MAGI2: variants seen among roughly 807,000 people sequenced by gnomAD.
MAGI2 encodes the protein membrane-associated guanylate kinase, WW and PDZ domain-containing protein 2.
Under a neutral mutation model 133.3 loss-of-function variants are expected in MAGI2, and 35 were observed. The ratio of observed to expected loss-of-function variants is 0.26; its 90% CI spans 0.20 to 0.35. The LOEUF is 0.35. Ranked by LOEUF, MAGI2 falls within the 10% of genes least tolerant of loss-of-function variation. The probability of loss-of-function intolerance (pLI) is 1.00; values close to 1 mark genes in which losing one functional copy is unlikely to be tolerated. For missense variants in MAGI2, 1,636 were observed against 1,863.4 expected (o/e 0.88, Z 2.25); for synonymous variants, 729 against 710.6 (o/e 1.03, Z -0.41).
chr7:78,508,945 G>A (rs970679990), intron 4 of MAGI2, among the ~76,000 whole-genome samples: 4 of 150,348 alleles, frequency 2.7e-5, no homozygotes, highest in Middle Eastern at 6.8e-3. Context: ...GTGCAGTGGC[G>A]ATCTTGGCTC....
intron 6 of MAGI2, among the ~76,000 whole-genome samples, chr7:78,477,610 T>C (rs577117075): frequency 2.0e-5 from 3 of 151,810 alleles, no homozygotes; most frequent in Non-Finnish European, 2.9e-5. Flanking sequence ...GAACTCCCAT[T>C]TATAAAACCA....
chr7:78,447,700 G>A (rs906486325), intron 6 of MAGI2, among the ~76,000 whole-genome samples: 1 of 152,144 alleles, frequency 6.6e-6, no homozygotes, highest in African/African-American at 2.4e-5. Flanking sequence ...GGAAGAATTA[G>A]CCAAGGACAT....
intron 1 of MAGI2, among the ~76,000 whole-genome samples, chr7:79,162,195 T>G (rs76067352): frequency 0.015 from 2,228 of 152,168 alleles, 57 homozygotes; most frequent in African/African-American, 0.05. Flanking sequence ...AGCACCAGAT[T>G]ATAATTTTTC....
chr7:78,999,551 A>G (rs764452459), intron 2 of MAGI2, among the ~76,000 whole-genome samples: 1 of 152,228 alleles, frequency 6.6e-6, no homozygotes, highest in African/African-American at 2.4e-5. Flanking sequence ...TTTCACATAT[A>G]TGACATGAAA....
intron 3 of MAGI2, among the ~76,000 whole-genome samples, chr7:78,540,355 A>G (rs1005409852): frequency 1.3e-5 from 2 of 152,128 alleles, no homozygotes; most frequent in Non-Finnish European, 2.9e-5. Context: ...TAGCCAGGAA[A>G]GTGGGAGAAA....
chr7:78,844,373 A>G (rs1298054298), intron 2 of MAGI2, among the ~76,000 whole-genome samples: 2 of 151,844 alleles, frequency 1.3e-5, no homozygotes, highest in Non-Finnish European at 2.9e-5. Flanking sequence ...TAGCATCATT[A>G]CTCATAATAG....
intron 1 of MAGI2, among the ~76,000 whole-genome samples, chr7:79,111,157 A>G (rs1818894166): frequency 6.6e-6 from 1 of 152,248 alleles, no homozygotes; most frequent in Non-Finnish European, 1.5e-5. Context: ...GAATTGAACC[A>G]AAAAATAATT....
chr7:78,243,790 CTT>C (rs1230431871), intron 10 of MAGI2, among the ~76,000 whole-genome samples: 1 of 151,966 alleles, frequency 6.6e-6, no homozygotes, highest in African/African-American at 2.4e-5. Flanking sequence ...AAGCAGAAGA[CTT>C]TGTTGCATTT....
chr7:78,894,982 A>C (rs1040985733), intron 2 of MAGI2, among the ~76,000 whole-genome samples: 1 of 152,182 alleles, frequency 6.6e-6, no homozygotes, highest in African/African-American at 2.4e-5. Context: ...TGTAACTGAC[A>C]CTGAAATTTA....
At chr7:78,457,150 A>G (rs1009654487) in intron 6 of MAGI2, among the ~76,000 whole-genome samples, 3 of 152,178 alleles carry the variant, frequency 2.0e-5, no homozygotes, top group African/African-American at 4.8e-5. Context: ...TCCACCTACT[A>G]GCCCTGCCCC....
intron 1 of MAGI2, among the ~76,000 whole-genome samples, chr7:79,427,088 T>C (rs1186381181): frequency 6.6e-6 from 1 of 152,222 alleles, no homozygotes; most frequent in Non-Finnish European, 1.5e-5. Context: ...ATCTAGACTT[T>C]AACTGGCAGT....
chr7:78,056,505 A>G (rs1054008719), intron 21 of MAGI2, among the ~76,000 whole-genome samples: 3 of 152,220 alleles, frequency 2.0e-5, no homozygotes, highest in African/African-American at 7.2e-5. Flanking sequence ...GAACAAGATC[A>G]TGTCCTTTGC....
intron 1 of MAGI2, among the ~76,000 whole-genome samples, chr7:79,274,999 C>G (rs1329762829): frequency 6.6e-6 from 1 of 152,010 alleles, no homozygotes; most frequent in South Asian, 2.1e-4. Context: ...TTTTTCCTCT[C>G]TCTCTTTCTC....
At chr7:78,135,888 G>C (rs890148815) in intron 16 of MAGI2, among the ~76,000 whole-genome samples, 3 of 151,938 alleles carry the variant, frequency 2.0e-5, no homozygotes, top group Non-Finnish European at 4.4e-5. Context: ...GCTAATGTCT[G>C]ATACATAATG....
chr7:79,197,038 C>T (rs1270254140), intron 1 of MAGI2, among the ~76,000 whole-genome samples: 1 of 151,928 alleles, frequency 6.6e-6, no homozygotes, highest in Non-Finnish European at 1.5e-5. Flanking sequence ...GCCTCAGTCT[C>T]CCAAAGTGCT....
At chr7:78,691,936 T>C (rs921992524) in intron 2 of MAGI2, among the ~76,000 whole-genome samples, 4 of 152,210 alleles carry the variant, frequency 2.6e-5, no homozygotes, top group African/African-American at 9.7e-5. Context: ...TAAAGGCTTA[T>C]CGATTGTAAC....
At chr7:78,701,267 C>G (rs997921176) in intron 2 of MAGI2, among the ~76,000 whole-genome samples, 5 of 151,760 alleles carry the variant, frequency 3.3e-5, no homozygotes, top group Non-Finnish European at 7.4e-5. Context: ...TGATCAGACT[C>G]TGTGATTTTG....
intron 3 of MAGI2, among the ~76,000 whole-genome samples, chr7:78,613,148 A>T (rs968716588): frequency 7.2e-5 from 11 of 152,206 alleles, no homozygotes; most frequent in Non-Finnish European, 1.5e-4. Flanking sequence ...ACTGAAAAAC[A>T]TGTAAAGTGT....
chr7:78,393,628 C>A (rs529485307), intron 6 of MAGI2, among the ~76,000 whole-genome samples: 3 of 152,120 alleles, frequency 2.0e-5, no homozygotes, highest in African/African-American at 7.2e-5. Flanking sequence ...ATAAAGCATC[C>A]AAGGCAGGCA....
Sources: gnomAD v4.1 joint callset for allele counts (sites outside exome capture counted in the v4.1 genomes callset) on GRCh38, gnomAD v4.1.1 for gene constraint, MANE v1.5 for transcripts, NCBI Gene and HGNC (gene_info 2026-07-23, HGNC 2026-07-21) for gene names.